Variants in SLF1 observed in about 807,000 individuals in gnomAD.
The protein encoded by SLF1 is SMC5/6 complex localization factor 1.
SLF1 carries 105 observed loss-of-function variants against 123.0 expected under a neutral mutation model. That is an observed-to-expected ratio of 0.85 (90% CI 0.73 to 1.00). The LOEUF (loss-of-function observed/expected upper bound fraction) is 1.00, where lower values mean the gene tolerates loss of function less well. SLF1 is among the 50% of genes least tolerant of loss of function. SLF1 has a pLI of 0.00. For synonymous variants in SLF1, 434 were observed against 406.6 expected, an observed-to-expected ratio of 1.07 and a Z score of -0.81; for missense variants, 1,239 against 1,223.0, an observed-to-expected ratio of 1.01 and a Z score of -0.20.
In SLF1 at chr5:94,695,060, G is replaced by A; in HGVS notation, c.2925G>A (p.Glu975=). 9.9e-6 allele frequency: 16 copies of A among 1,612,512 alleles called. No homozygotes were observed. Among genetic ancestry groups the A allele is most frequent in the African/African-American group, 1.3e-5 (1 of 74,926 alleles). ...NFCSIFDLSS[E]FILASKGLTH... ...GTTCAATTTTTGATTTATCTTCAGA[G>A]TTCATTTTAGCTTCCAAAGGGTTAA... The change falls in exon 21 of 21, where the codon GAG becomes GAA. Residue 975 remains glutamate, a synonymous_variant. Coordinates refer to ENST00000265140, the MANE Select transcript of SLF1 (RefSeq NM_032290.4).
At chr5:94,693,826 T>TA (rs1468098668) in intron 20 of SLF1, among the ~76,000 whole-genome samples, 1 of 151,682 alleles carries the variant, frequency 6.6e-6, no homozygotes, top group Non-Finnish European at 1.5e-5. Context: ...AAAAGGAGCC[T>TA]AATTTTGTTT....
intron 1 of SLF1, among the ~76,000 whole-genome samples, chr5:94,622,689 G>A (rs1791903278): frequency 6.6e-6 from 1 of 151,962 alleles, no homozygotes; most frequent in East Asian, 1.9e-4. Flanking sequence ...GTCTGTAAAG[G>A]TTATTTTGGG....
chr5:94,661,664 G>T (rs1749133012), intron 9 of SLF1, among the ~76,000 whole-genome samples: 1 of 151,826 alleles, frequency 6.6e-6, no homozygotes, highest in Non-Finnish European at 1.5e-5. Context: ...CCTCCTGAGA[G>T]TAGCTAGGAT....
intron 20 of SLF1, 74 bp downstream of exon 20, chr5:94,692,330 A>C: frequency 7.2e-7 from 1 of 1,389,216 alleles, no homozygotes; most frequent in South Asian, 1.5e-5. Flanking sequence ...GGTAGATAGC[A>C]TTTTATGTTT....
rs1554071727 is a variant in SLF1, at chr5:94,692,191, C to G, written c.2630C>G (p.Thr877Ser). 1.2e-6 allele frequency: 2 copies of G among 1,613,862 alleles called. No individual in the cohort carries two copies. Among genetic ancestry groups the G allele is most frequent in the South Asian group, 1.1e-5 (1 of 91,076 alleles). Residue 877 changes from threonine to serine, a missense_variant, in exon 20 of 21, where the codon ACT becomes AGT. Coordinates refer to ENST00000265140, the MANE Select transcript of SLF1 (RefSeq NM_032290.4). The stretch of plus-strand genomic sequence containing the variant: ...CTGCTCACTCAAGTGGACGGGGTGA[C>G]TCCTTTGCATGATGCACTGTCAAAC... ...VDLLTQVDGVTPLHDALSNGH... is the reference protein window; with the variant it reads ...VDLLTQVDGVSPLHDALSNGH...
chr5:94,646,684 A>T (rs1747105130), intron 5 of SLF1, among the ~76,000 whole-genome samples: 1 of 152,164 alleles, frequency 6.6e-6, no homozygotes, highest in African/African-American at 2.4e-5. Context: ...TTATGGGAAT[A>T]TATTAGGAAT....
At chr5:94,635,484 T>A (rs1421413513) in intron 4 of SLF1, among the ~76,000 whole-genome samples, 8 of 151,960 alleles carry the variant, frequency 5.3e-5, no homozygotes, top group Admixed American at 5.2e-4. Flanking sequence ...GTTTTCCAGT[T>A]GATTTGTATA....
intron 15 of SLF1, among the ~76,000 whole-genome samples, chr5:94,679,704 T>A (rs1279951367): frequency 6.6e-6 from 1 of 152,202 alleles, no homozygotes; most frequent in Non-Finnish European, 1.5e-5. Flanking sequence ...TTTATATGGA[T>A]AATTTTTTTC....
At chr5:94,656,526 C>T (rs550834249) in intron 9 of SLF1, among the ~76,000 whole-genome samples, 4 of 152,028 alleles carry the variant, frequency 2.6e-5, no homozygotes, top group African/African-American at 7.2e-5. Flanking sequence ...GGTAGAATTC[C>T]CTACCCTTCA....
intron 15 of SLF1, among the ~76,000 whole-genome samples, chr5:94,682,361 C>G (rs1296289370): frequency 6.6e-6 from 1 of 151,236 alleles, no homozygotes; most frequent in African/African-American, 2.4e-5. Context: ...GCGGATATTC[C>G]TTTTAAAAAA....
rs550149919 is a variant in SLF1, at chr5:94,677,944, G to A, written c.1828-864G>A. ...ATATACTTTTTTTTTTTTTTGAGAC[G>A]GAGTCTCACTCTGTCACCCAGGCTG... On this transcript the variant is annotated intron_variant, in intron 14 of 20. Transcript: ENST00000265140. Among the ~76,000 whole-genome samples the A allele has an allele frequency of 8.5e-4, 127 of 149,234 alleles. 2 individuals are homozygous for A. The highest frequency in any genetic ancestry group is 4.8e-3 in the Admixed American group (72 of 15,042).
intron 4 of SLF1, among the ~76,000 whole-genome samples, chr5:94,642,815 G>A (rs903091714): frequency 1.3e-5 from 2 of 151,712 alleles, no homozygotes; most frequent in Non-Finnish European, 1.5e-5. Context: ...CATAGATCAA[G>A]GCTAATTTTT....
At chr5:94,683,206 CTT>C (rs1752022517) in intron 15 of SLF1, among the ~76,000 whole-genome samples, 1 of 152,010 alleles carries the variant, frequency 6.6e-6, no homozygotes, top group African/African-American at 2.4e-5. Flanking sequence ...TTCACTTTTG[CTT>C]TGTTATCCCT....
intron 5 of SLF1, among the ~76,000 whole-genome samples, chr5:94,647,130 T>G (rs1329951230): frequency 1.3e-5 from 2 of 152,178 alleles, no homozygotes; most frequent in Non-Finnish European, 2.9e-5. Context: ...CTAGATCCTT[T>G]TTGTCTCCCC....
intron 10 of SLF1, among the ~76,000 whole-genome samples, chr5:94,663,133 C>T (rs1029809759): frequency 6.6e-5 from 10 of 152,142 alleles, no homozygotes; most frequent in Admixed American, 1.3e-4. Context: ...AGAACTATGT[C>T]GCTGTAGCTC....
At chr5:94,685,840 A>T (rs1279337793) in intron 15 of SLF1, among the ~76,000 whole-genome samples, 2 of 152,094 alleles carry the variant, frequency 1.3e-5, no homozygotes, top group Non-Finnish European at 2.9e-5. Flanking sequence ...TCTCAAAAAA[A>T]AAAAAAAAAT....
intron 20 of SLF1, among the ~76,000 whole-genome samples, chr5:94,692,639 T>A (rs1297124802): frequency 6.6e-6 from 1 of 152,150 alleles, no homozygotes; most frequent in Non-Finnish European, 1.5e-5. Flanking sequence ...TTACCTGGAT[T>A]TTTTCATTTC....
intron 20 of SLF1, among the ~76,000 whole-genome samples, chr5:94,692,853 C>T (rs1200182079): frequency 6.6e-6 from 1 of 152,148 alleles, no homozygotes. Context: ...TGCGTTTTTC[C>T]TGCTGATTTT....
rs755780639 is a variant in SLF1, at chr5:94,651,817, C to T, written c.854C>T (p.Thr285Ile). 20 of 1,474,612 alleles carry T rather than the reference C, an allele frequency of 1.4e-5. No individual in the cohort carries two copies. The South Asian group carries it at 1.9e-4, about 14-fold the overall frequency. 91.3% of individuals were successfully genotyped at this position (1,474,612 alleles called of 1,614,324 possible). Residue 285 changes from threonine to isoleucine, a missense_variant, in exon 7 of 21, where the codon ACC (threonine) becomes ATC (isoleucine). Coordinates refer to ENST00000265140, the MANE Select transcript of SLF1 (RefSeq NM_032290.4). ...TTGAAATTTGTTAAAATGAGAAATA[C>T]CTTTGGAAGCCATACATATGAAAAT... ...KDLKFVKMRNTFGSHTYENQK... is the reference protein window; with the variant it reads ...KDLKFVKMRNIFGSHTYENQK...
Sources: gnomAD v4.1 joint callset for allele counts (sites outside exome capture counted in the v4.1 genomes callset) on GRCh38, gnomAD v4.1.1 for gene constraint, MANE v1.5 for transcripts, NCBI Gene and HGNC (gene_info 2026-07-23, HGNC 2026-07-21) for gene names.